Variants in FOXN3 observed in about 807,000 individuals in gnomAD.
FOXN3 encodes forkhead box N3, also known as forkhead box protein N3.
FOXN3 carries 7 observed loss-of-function variants against 38.4 expected under a neutral mutation model. That is an observed-to-expected ratio of 0.18 (90% CI 0.10 to 0.34). FOXN3 has a LOEUF of 0.34. Ranked by LOEUF, FOXN3 falls within the 10% of genes least tolerant of loss-of-function variation. The pLI, the probability that FOXN3 is intolerant of heterozygous loss-of-function variation, is 1.00. For missense variants in FOXN3, 456 were observed against 613.4 expected (o/e 0.74, Z 2.71); for synonymous variants, 230 against 242.2 (o/e 0.95, Z 0.47).
At chr14:89,608,368 C>T (rs761890253) in intron 1 of FOXN3, among the ~76,000 whole-genome samples, 31 of 152,202 alleles carry the variant, frequency 2.0e-4, no homozygotes, top group Non-Finnish European at 4.0e-4. Flanking sequence ...TCTCGATCTC[C>T]TGACCTCGTG....
chr14:89,281,597 T>G (rs548561875), intron 3 of FOXN3, among the ~76,000 whole-genome samples: 5 of 152,188 alleles, frequency 3.3e-5, no homozygotes, highest in African/African-American at 1.2e-4. Context: ...TTTGCAGATA[T>G]GTTACCACCC....
intron 4 of FOXN3, among the ~76,000 whole-genome samples, chr14:89,200,768 C>T (rs1888217504): frequency 6.6e-6 from 1 of 152,224 alleles, no homozygotes; most frequent in South Asian, 2.1e-4. Context: ...AGCCCTTTGA[C>T]AAGACACTGC....
At chr14:89,351,992 T>C (rs961881985) in intron 2 of FOXN3, among the ~76,000 whole-genome samples, 9 of 152,218 alleles carry the variant, frequency 5.9e-5, no homozygotes, top group African/African-American at 2.2e-4. Flanking sequence ...ACAGAGCCCA[T>C]TAAAATACTT....
chr14:89,411,825 C>G, intron 2 of FOXN3, 109 bp downstream of exon 2: 2 of 673,200 alleles, frequency 3.0e-6, no homozygotes, highest in Non-Finnish European at 4.5e-6. Flanking sequence ...CTAAAACCCA[C>G]TTACAACTGC....
At chr14:89,370,802 T>C (rs1010236982) in intron 2 of FOXN3, among the ~76,000 whole-genome samples, 2 of 152,218 alleles carry the variant, frequency 1.3e-5, no homozygotes, top group African/African-American at 4.8e-5. Flanking sequence ...GCATGGCCCG[T>C]AGGGTCCATC....
intron 1 of FOXN3, among the ~76,000 whole-genome samples, chr14:89,472,994 C>T (rs1276527249): frequency 6.6e-6 from 1 of 152,026 alleles, no homozygotes; most frequent in Non-Finnish European, 1.5e-5. Context: ...GCATTGCCCA[C>T]CAATGGAGGA....
chr14:89,391,848 G>A (rs1377992620), intron 2 of FOXN3, among the ~76,000 whole-genome samples: 1 of 152,062 alleles, frequency 6.6e-6, no homozygotes, highest in South Asian at 2.1e-4. Context: ...CTACTAAAAT[G>A]TAAAAGAAAT....
At chr14:89,511,412 C>A (rs1382488803) in intron 1 of FOXN3, among the ~76,000 whole-genome samples, 1 of 151,288 alleles carries the variant, frequency 6.6e-6, no homozygotes, top group Non-Finnish European at 1.5e-5. Context: ...CCCACCTAAG[C>A]CCCCTGAGTA....
rs189703832 is a variant in FOXN3, at chr14:89,368,962, A to G, written c.544-18154T>C. Among the ~76,000 whole-genome samples, 89 of 152,246 alleles carry G rather than the reference A, an allele frequency of 5.8e-4. 1 individual carries two copies. The highest frequency in any genetic ancestry group is 2.1e-3 in the African/African-American group (87 of 41,540). ...GGGGAAAAGATCCCTGGCTGAACAA[A>G]CACTTTACACAGTGCGTTTCATCTG... is the stretch of plus-strand genomic sequence containing the variant. On this transcript the variant is annotated intron_variant, in intron 2 of 5. Transcript: ENST00000557258.
intron 1 of FOXN3, among the ~76,000 whole-genome samples, chr14:89,445,648 C>T (rs1009781631): frequency 2.6e-5 from 4 of 152,078 alleles, no homozygotes; most frequent in African/African-American, 7.2e-5. Flanking sequence ...TTCACACTGC[C>T]GTAAAATCCC....
intron 1 of FOXN3, among the ~76,000 whole-genome samples, chr14:89,485,158 A>T (rs1596293439): frequency 6.6e-6 from 1 of 151,162 alleles, no homozygotes; most frequent in East Asian, 2.0e-4. Context: ...TCAAAAAAAA[A>T]AAAAAAGACC....
At chr14:89,557,635 C>A (rs1259685123) in intron 1 of FOXN3, among the ~76,000 whole-genome samples, 1 of 152,128 alleles carries the variant, frequency 6.6e-6, no homozygotes, top group Non-Finnish European at 1.5e-5. Context: ...AAGCTGAAGG[C>A]ACAGATTCTG....
intron 4 of FOXN3, among the ~76,000 whole-genome samples, chr14:89,207,667 T>C (rs1051825976): frequency 3.9e-5 from 6 of 152,158 alleles, no homozygotes; most frequent in Non-Finnish European, 7.3e-5. Flanking sequence ...TTTTGTGATA[T>C]ATTTGAAATA....
At chr14:89,310,400 C>T (rs1401934276) in intron 3 of FOXN3, among the ~76,000 whole-genome samples, 6 of 152,172 alleles carry the variant, frequency 3.9e-5, no homozygotes, top group Admixed American at 2.6e-4. Flanking sequence ...CAGGAAGTCA[C>T]AGCTTCATGT....
chr14:89,304,826 TG>T (rs1348565880), intron 3 of FOXN3, among the ~76,000 whole-genome samples: 3 of 151,674 alleles, frequency 2.0e-5, no homozygotes, highest in Non-Finnish European at 4.4e-5. Flanking sequence ...CACACCGAAG[TG>T]CCTGGTGGAG....
At chr14:89,605,704 T>C (rs1896259991) in intron 1 of FOXN3, among the ~76,000 whole-genome samples, 1 of 152,172 alleles carries the variant, frequency 6.6e-6, no homozygotes, top group Non-Finnish European at 1.5e-5. Flanking sequence ...ATATATTATG[T>C]TTTTGTTAAC....
chr14:89,263,033 G>T (rs144755263), intron 4 of FOXN3, among the ~76,000 whole-genome samples: 6 of 152,140 alleles, frequency 3.9e-5, no homozygotes, highest in African/African-American at 1.4e-4. Context: ...AAATTGGCCT[G>T]CTTGTTTTTA....
At chr14:89,537,393 G>A (rs1400522920) in intron 1 of FOXN3, among the ~76,000 whole-genome samples, 3 of 152,124 alleles carry the variant, frequency 2.0e-5, no homozygotes, top group South Asian at 2.1e-4. Context: ...ATGAATGAAT[G>A]AATGGATGGA....
At position 89,251,469 on chromosome 14, in the gene FOXN3, C is replaced by T. The variant is rs535811538; in HGVS notation, c.745+29481G>A. ...GCACCTCGCACATTTGAAATAAATGCTCAGTTAAATGTCTATAAACATATG... is the reference window on the plus strand; with the variant it reads ...GCACCTCGCACATTTGAAATAAATGTTCAGTTAAATGTCTATAAACATATG... On this transcript the variant is annotated intron_variant, in intron 4 of 5. Coordinates refer to ENST00000557258, the MANE Select transcript of FOXN3 (RefSeq NM_005197.4). Among the ~76,000 whole-genome samples, 118 of 152,304 alleles carry T rather than the reference C, an allele frequency of 7.7e-4. 1 individual carries two copies. Among genetic ancestry groups the T allele is most frequent in the African/African-American group, 2.8e-3 (118 of 41,564 alleles).
Sources: allele counts gnomAD v4.1 joint callset (sites outside exome capture counted in the v4.1 genomes callset), GRCh38; gene constraint gnomAD v4.1.1; transcripts MANE v1.5; gene names NCBI Gene and HGNC (gene_info 2026-07-23, HGNC 2026-07-21).